NOM1: variants seen among roughly 807,000 people sequenced by gnomAD.
NOM1 encodes nucleolar MIF4G domain-containing protein 1.
A neutral mutation model predicts 73.3 loss-of-function variants in NOM1; 58 were observed. The ratio of observed to expected loss-of-function variants is 0.79; its 90% confidence interval spans 0.64 to 0.99. NOM1 has a LOEUF of 0.99. Ranked by LOEUF, NOM1 falls within the 50% of genes least tolerant of loss-of-function variation. The probability of loss-of-function intolerance (pLI) is 0.00; values close to 1 mark genes in which losing one functional copy is unlikely to be tolerated. For synonymous variants in NOM1, 487 were observed against 446.8 expected (o/e 1.09, Z -1.14); for missense variants, 1,226 against 1,131.9 (o/e 1.08, Z -1.19).
At position 156,971,657 on chromosome 7, in the gene NOM1, A is replaced by T. The variant is rs995233692; in HGVS notation, c.*1954A>T. Reference sequence around the variant, plus strand: ...TGGCCTCAAATTTTATTTTAGCTCGACCCTATGGCAGTTTGTGTTTGGAAA... The same window carrying T: ...TGGCCTCAAATTTTATTTTAGCTCGTCCCTATGGCAGTTTGTGTTTGGAAA... On this transcript the variant is annotated 3_prime_UTR_variant, in exon 11 of 11. Transcript: ENST00000275820. The T allele has an allele frequency of 1.3e-5, 2 of 152,212 alleles. No individual in the cohort carries two copies. 9.4% of individuals were successfully genotyped at this position (152,212 alleles called of 1,614,324 possible). A position where few individuals can be genotyped will look rare whatever the true frequency, so the allele number is the denominator to read the frequency against.
intron 6 of NOM1, chr7:156,963,658 G>A (rs965951934): frequency 2.1e-4 from 85 of 409,688 alleles, no homozygotes; most frequent in African/African-American, 1.4e-3. Flanking sequence ...TTTATTCATC[G>A]TCGCTTGCCC....
intron 1 of NOM1, among the ~76,000 whole-genome samples, chr7:156,950,998 G>T (rs74323679): frequency 0.037 from 5,590 of 152,280 alleles, 178 homozygotes; most frequent in East Asian, 0.17. Context: ...GTGTTTACCA[G>T]CCCAGGTCTC....
chr7:156,968,039 C>T (rs1805044214), intron 9 of NOM1, among the ~76,000 whole-genome samples: 1 of 152,190 alleles, frequency 6.6e-6, no homozygotes, highest in African/African-American at 2.4e-5. Flanking sequence ...TTCTGTGTGT[C>T]GTGTGCAGTT....
intron 3 of NOM1, among the ~76,000 whole-genome samples, chr7:156,957,742 TCC>T (rs1804759809): frequency 8.5e-6 from 1 of 117,464 alleles, no homozygotes; most frequent in Non-Finnish European, 1.6e-5. Context: ...ACCACTGCAC[TCC>T]AGCCTGGGCG....
Position 156,963,186 on chromosome 7 carries a change from C to G in NOM1, c.1911+11C>G. On this transcript the variant is annotated intron_variant, in intron 6 of 10. Transcript: ENST00000275820. The stretch of plus-strand genomic sequence containing the variant: ...CAGCTTGTGGGGACGGTAGGGACAC[C>G]CATGCTCAAGGCTGCCAGGCAGAGG... 1 of 1,613,870 alleles carries G rather than the reference C, an allele frequency of 6.2e-7. No individual in the cohort carries two copies. Among genetic ancestry groups the G allele is most frequent in the Non-Finnish European group, 8.5e-7 (1 of 1,179,996 alleles).
intron 9 of NOM1, among the ~76,000 whole-genome samples, chr7:156,967,418 C>T (rs965159970): frequency 1.3e-5 from 2 of 152,204 alleles, no homozygotes; most frequent in Admixed American, 1.3e-4. Flanking sequence ...AGGGCCTGGT[C>T]TCCTTAGAGG....
At chr7:156,953,278 C>T (rs1386554784) in intron 2 of NOM1, among the ~76,000 whole-genome samples, 1 of 152,186 alleles carries the variant, frequency 6.6e-6, no homozygotes, top group East Asian at 1.9e-4. Flanking sequence ...TACAGGCATG[C>T]GCCACCACGC....
Position 156,954,272 on chromosome 7 carries a change from A to G in NOM1, c.1282A>G (p.Ile428Val), listed in dbSNP as rs1192919031. The stretch of plus-strand genomic sequence containing the variant: ...GATGGAGCATGTTCTCTTAGTCAGC[A>G]TCCTTCACCACACAGTTGGAATCGA... ...LMMEHVLLVS[I>V]LHHTVGIEVG... The change falls in exon 3 of 11, where the codon ATC becomes GTC. Residue 428 changes from isoleucine to valine, a missense_variant. Transcript: ENST00000275820. 3.1e-6 allele frequency: 5 copies of G among 1,603,084 alleles called. No individual in the cohort carries two copies. In the East Asian group the frequency reaches 1.1e-4, roughly 36 times the overall value.
chr7:156,960,099 A>G lies in NOM1; in HGVS notation c.1557A>G (p.Leu519=). The stretch of plus-strand genomic sequence containing the variant: ...TTTCATTGAGGAAAGATGATGCTTT[A>G]TCACTTAAGGAATTGATCACTGAAG... ...VGFSLRKDDA[L]SLKELITEAQ... The change falls in exon 4 of 11, where the codon TTA becomes TTG. Residue 519 remains leucine (L), a synonymous_variant. Transcript: ENST00000275820. 1 of 1,614,194 alleles carries G rather than the reference A, an allele frequency of 6.2e-7. No homozygotes were observed. Among genetic ancestry groups the G allele is most frequent in the Non-Finnish European group, 8.5e-7 (1 of 1,180,026 alleles).
intron 5 of NOM1, among the ~76,000 whole-genome samples, chr7:156,962,561 C>G (rs2134789638): frequency 6.6e-6 from 1 of 152,310 alleles, no homozygotes; most frequent in African/African-American, 2.4e-5. Context: ...CAGAGAAGGC[C>G]AAGTCCCCAT....
rs1284926297 is a variant in NOM1 at position 156,972,923 on chromosome 7, A to G, written c.*3220A>G. The G allele has an allele frequency of 6.6e-6, 1 of 152,244 alleles. No individual in the cohort carries two copies. Among genetic ancestry groups the G allele is most frequent in the Non-Finnish European group, 1.5e-5 (1 of 68,044 alleles). The allele number at this position is 152,244 out of a possible 1,614,324, so 9.4% of individuals were successfully genotyped here. A position where few individuals can be genotyped will look rare whatever the true frequency, so the allele number is the denominator to read the frequency against. ...AGTACATCTTGATTAAAAGCTATGA[A>G]TTCAGAATTGCTTTTAAATATATAG... On this transcript the variant is annotated 3_prime_UTR_variant, in exon 11 of 11. Coordinates refer to ENST00000275820, the MANE Select transcript of NOM1 (RefSeq NM_138400.2).
In NOM1 at chr7:156,972,470, T is replaced by G. The variant is rs1805163345; in HGVS notation, c.*2767T>G. 1 of 152,212 alleles carries G rather than the reference T, an allele frequency of 6.6e-6. No homozygotes were observed. The highest frequency in any genetic ancestry group is 1.5e-5 in the Non-Finnish European group (1 of 68,048). The allele number at this position is 152,212 out of a possible 1,614,324, so 9.4% of individuals were successfully genotyped here. ...CCTCTCTTTGCTAGAGAGTTATATG[T>G]ATGACTTAAATTATTAGCTATGGTT... On this transcript the variant is annotated 3_prime_UTR_variant, in exon 11 of 11. Transcript: ENST00000275820.
At chr7:156,969,023 C>A in intron 9 of NOM1, 64 bp from the exon 10 acceptor site, 2 of 868,716 alleles carry the variant, frequency 2.3e-6, no homozygotes, top group Non-Finnish European at 3.9e-6. Context: ...AACTATATTA[C>A]AAATCATTGA....
At chr7:156,954,739 T>G (rs1804680749) in intron 3 of NOM1, among the ~76,000 whole-genome samples, 2 of 152,026 alleles carry the variant, frequency 1.3e-5, no homozygotes, top group South Asian at 4.2e-4. Flanking sequence ...ATTCCTGGGC[T>G]CCAGTGATCC....
At chr7:156,953,562 T>C (rs1804646838) in intron 2 of NOM1, among the ~76,000 whole-genome samples, 1 of 151,918 alleles carries the variant, frequency 6.6e-6, no homozygotes, top group Non-Finnish European at 1.5e-5. Context: ...TTTTGTTTCC[T>C]GTTATCCTGG....
chr7:156,958,335 T>C (rs1011327652), intron 3 of NOM1, among the ~76,000 whole-genome samples: 1 of 152,202 alleles, frequency 6.6e-6, no homozygotes, highest in African/African-American at 2.4e-5. Flanking sequence ...ATCCTTCAGC[T>C]TTTACAGCCG....
chr7:156,954,149 CTG>C lies in NOM1; in HGVS notation c.1161_1162del (p.Tyr388HisfsTer10). The C allele has an allele frequency of 6.2e-6, 10 of 1,612,814 alleles. No individual in the cohort carries two copies. The highest frequency in any genetic ancestry group is 1.1e-5 in the South Asian group (1 of 90,742). ...MASISGQLEE[L>X]YMAHSRKDMN... ...TTCCATCAGTGGGCAGCTGGAGGAACTGTACATGGCCCACAGCAGAAAGGACA... is the reference window on the plus strand; with the variant it reads ...TTCCATCAGTGGGCAGCTGGAGGAACTACATGGCCCACAGCAGAAAGGACA... On this transcript the variant is annotated frameshift_variant, in exon 3 of 11. Transcript: ENST00000275820. LOFTEE classifies it high-confidence loss of function.
At chr7:156,963,476 G>GC (rs1224971912) in intron 6 of NOM1, 12 of 475,106 alleles carry the variant, frequency 2.5e-5, no homozygotes, top group Admixed American at 1.0e-4. Flanking sequence ...CCCTCAGGCT[G>GC]CCCCCCGGGC....
intron 4 of NOM1, among the ~76,000 whole-genome samples, chr7:156,960,574 A>G (rs1387801396): frequency 6.6e-6 from 1 of 152,046 alleles, no homozygotes; most frequent in East Asian, 1.9e-4. Context: ...AGATGATGAG[A>G]TGTGTGGAAC....
Sources: allele counts gnomAD v4.1 joint callset (sites outside exome capture counted in the v4.1 genomes callset), GRCh38; gene constraint gnomAD v4.1.1; transcripts MANE v1.5; gene names NCBI Gene and HGNC (gene_info 2026-07-23, HGNC 2026-07-21).